The following HMGCLL1 variants were observed in gnomAD, a reference collection of about 807,000 sequenced individuals.
HMGCLL1 encodes the protein 3-hydroxy-3-methylglutaryl-CoA lyase like 1, also known as 3-hydroxymethyl-3-methylglutaryl-CoA lyase, cytoplasmic.
Under a neutral mutation model 39.1 loss-of-function variants are expected in HMGCLL1, and 36 were observed. The ratio of observed to expected loss-of-function variants is 0.92; its 90% confidence interval spans 0.71 to 1.22. HMGCLL1 has a LOEUF of 1.22. HMGCLL1 is among the 50% of genes most tolerant of loss of function. The pLI, the probability that HMGCLL1 is intolerant of heterozygous loss-of-function variation, is 0.00. For missense variants in HMGCLL1, 451 were observed against 416.5 expected, an observed-to-expected ratio of 1.08 and a Z score of -0.72; for synonymous variants, 149 against 144.0, an observed-to-expected ratio of 1.03 and a Z score of -0.25.
At chr6:55,632,860 G>C in the HMGCLL1 span, among the ~76,000 whole-genome samples, 3 of 152,004 alleles carry the variant, frequency 2.0e-5, no homozygotes, top group East Asian at 1.9e-4. Flanking sequence ...AAATTTCAGT[G>C]TATAGTTGAT....
chr6:55,458,955 T>C (rs763208617), intron 7 of HMGCLL1, among the ~76,000 whole-genome samples: 2 of 152,132 alleles, frequency 1.3e-5, no homozygotes, highest in Non-Finnish European at 2.9e-5. Context: ...TCTTGCCCCA[T>C]AAAGTATGTT....
intron 5 of HMGCLL1, among the ~76,000 whole-genome samples, chr6:55,508,367 GAATT>G (rs1163686260): frequency 1.3e-5 from 2 of 151,602 alleles, no homozygotes; most frequent in Non-Finnish European, 3.0e-5. Flanking sequence ...ATTCAATTTT[GAATT>G]AATTGAAGAA....
chr6:55,524,516 T>C (rs1007289081), intron 3 of HMGCLL1, among the ~76,000 whole-genome samples: 1 of 147,940 alleles, frequency 6.8e-6, no homozygotes. Context: ...GTATCTAAAG[T>C]TCCCTACAAG....
chr6:55,565,073 T>G (rs1771149379), intron 1 of HMGCLL1, among the ~76,000 whole-genome samples: 1 of 152,042 alleles, frequency 6.6e-6, no homozygotes, highest in African/African-American at 2.4e-5. Flanking sequence ...AGAAAAAAGT[T>G]ATCTTCCAAT....
Position 55,435,256 on chromosome 6 carries a change from C to T in HMGCLL1, c.*406G>A, listed in dbSNP as rs1763324512. On this transcript the variant is annotated 3_prime_UTR_variant, in exon 9 of 9. Transcript: ENST00000274901. The stretch of plus-strand genomic sequence containing the variant: ...CATAATGTATAATATTGAGGCCACA[C>T]ACTCTGCATACTATGCAGGAGCTCA... 6.5e-6 allele frequency: 1 copy of T among 154,816 alleles called. No individual in the cohort carries two copies. Among genetic ancestry groups the T allele is most frequent in the South Asian group, 2.0e-4 (1 of 4,942 alleles). The allele number at this position is 154,816 out of a possible 1,614,324, so 9.6% of individuals were successfully genotyped here. A position where few individuals can be genotyped will look rare whatever the true frequency, so the allele number is the denominator to read the frequency against.
At chr6:55,647,819 G>A in the HMGCLL1 span, among the ~76,000 whole-genome samples, 1 of 108,570 alleles carries the variant, frequency 9.2e-6, no homozygotes, top group Non-Finnish European at 1.7e-5. Context: ...TGCACATTGT[G>A]CAGGTTAGTT....
chr6:55,563,102 C>T (rs111990228), intron 1 of HMGCLL1, among the ~76,000 whole-genome samples: 3 of 151,846 alleles, frequency 2.0e-5, no homozygotes, highest in Admixed American at 6.6e-5. Context: ...TATGCACACA[C>T]GGTGATATAT....
At chr6:55,452,676 A>G (rs114907271) in intron 7 of HMGCLL1, among the ~76,000 whole-genome samples, 2,403 of 152,262 alleles carry the variant, frequency 0.016, 40 homozygotes, top group Non-Finnish European at 0.027. Context: ...GTAAAAAAAG[A>G]CTTCTTTCTA....
chr6:55,558,832 C>G (rs1020589758), intron 1 of HMGCLL1, among the ~76,000 whole-genome samples: 1 of 152,152 alleles, frequency 6.6e-6, no homozygotes, highest in Admixed American at 6.5e-5. Flanking sequence ...CCTTCTATCC[C>G]TTAATGATTC....
intron 1 of HMGCLL1, among the ~76,000 whole-genome samples, chr6:55,543,691 TA>T (rs1424362742): frequency 1.3e-5 from 2 of 148,324 alleles, no homozygotes; most frequent in Non-Finnish European, 3.0e-5. Flanking sequence ...TCATCTCTCT[TA>T]AAAAAAACAA....
At chr6:55,589,440 A>C in the HMGCLL1 span, among the ~76,000 whole-genome samples, 1 of 152,226 alleles carries the variant, frequency 6.6e-6, no homozygotes, top group Non-Finnish European at 1.5e-5. Flanking sequence ...ACCCACAGCC[A>C]GTATCATACT....
At chr6:55,468,085 G>C (rs1435527061) in intron 7 of HMGCLL1, among the ~76,000 whole-genome samples, 3 of 151,988 alleles carry the variant, frequency 2.0e-5, no homozygotes, top group Non-Finnish European at 2.9e-5. Context: ...AAGAGAAAAG[G>C]CTGCAGTAGC....
chr6:55,649,289 GC>G, the HMGCLL1 span, among the ~76,000 whole-genome samples: 1 of 151,822 alleles, frequency 6.6e-6, no homozygotes, highest in Non-Finnish European at 1.5e-5. Flanking sequence ...GAATTCCTGA[GC>G]TTTTGTTCAT....
chr6:55,661,201 C>T, the HMGCLL1 span, among the ~76,000 whole-genome samples: 1 of 151,870 alleles, frequency 6.6e-6, no homozygotes, highest in African/African-American at 2.4e-5. Context: ...TTTTGCTGTG[C>T]AAATTCTCTT....
chr6:55,497,048 T>C (rs1457096019), intron 6 of HMGCLL1, among the ~76,000 whole-genome samples: 1 of 152,152 alleles, frequency 6.6e-6, no homozygotes, highest in Non-Finnish European at 1.5e-5. Context: ...CTCATAAATA[T>C]ATATACTTTG....
At chr6:55,659,802 A>G in the HMGCLL1 span, among the ~76,000 whole-genome samples, 1 of 151,910 alleles carries the variant, frequency 6.6e-6, no homozygotes, top group Non-Finnish European at 1.5e-5. Context: ...AAATTACACT[A>G]TAATATCCTC....
At chr6:55,445,635 A>G (rs1032943384) in intron 7 of HMGCLL1, among the ~76,000 whole-genome samples, 2 of 150,704 alleles carry the variant, frequency 1.3e-5, no homozygotes, top group Non-Finnish European at 2.9e-5. Flanking sequence ...CTACTTTCAG[A>G]CTCAGGTTTC....
the HMGCLL1 span, among the ~76,000 whole-genome samples, chr6:55,657,229 C>T: frequency 1.3e-5 from 2 of 151,932 alleles, no homozygotes; most frequent in Non-Finnish European, 2.9e-5. Context: ...TCAATTTTTG[C>T]TTTTGTTGCA....
At chr6:55,448,262 C>T (rs1166419405) in intron 7 of HMGCLL1, among the ~76,000 whole-genome samples, 1 of 151,044 alleles carries the variant, frequency 6.6e-6, no homozygotes, top group African/African-American at 2.4e-5. Context: ...TGATAAATTA[C>T]ATAAGATTGG....
Sources: gnomAD v4.1 joint callset for allele counts (sites outside exome capture counted in the v4.1 genomes callset) on GRCh38, gnomAD v4.1.1 for gene constraint, MANE v1.5 for transcripts, NCBI Gene and HGNC (gene_info 2026-07-23, HGNC 2026-07-21) for gene names.